The following LTBP2 variants were observed in gnomAD, a reference collection of about 807,000 sequenced individuals.
The protein encoded by LTBP2 is latent-transforming growth factor beta-binding protein 2.
A neutral mutation model predicts 210.6 loss-of-function variants in LTBP2; 103 were observed. The ratio of observed to expected loss-of-function variants is 0.49; its 90% CI spans 0.42 to 0.58. LTBP2 has a LOEUF of 0.58. Ranked by LOEUF, LTBP2 falls within the 20% of genes least tolerant of loss-of-function variation. LTBP2 has a pLI of 0.00. For synonymous variants in LTBP2, 1,007 were observed against 1,015.0 expected (o/e 0.99, Z 0.15); for missense variants, 2,313 against 2,494.5 (o/e 0.93, Z 1.55).
chr14:74,555,604 C>G lies in LTBP2; in HGVS notation c.920G>C (p.Ser307Thr). 1 of 1,610,684 alleles carries G rather than the reference C, an allele frequency of 6.2e-7. No individual in the cohort carries two copies. The highest frequency in any genetic ancestry group is 8.5e-7 in the Non-Finnish European group (1 of 1,177,824). Residue 307 changes from serine to threonine, a missense_variant, in exon 4 of 36, where the codon AGT (serine) becomes ACT (threonine). By Grantham distance (58) the Ser-to-Thr change is moderately conservative. Coordinates refer to ENST00000261978, the MANE Select transcript of LTBP2 (RefSeq NM_000428.3). The stretch of plus-strand genomic sequence containing the variant: ...CAGGGCGTTGGAAGAGAGCTGGCTA[C>G]TGGCCGTGGCAGTCGGGTGAAGTCG... ...TVRLHPTATASSQLSSNALPP... is the reference protein window; with the variant it reads ...TVRLHPTATATSQLSSNALPP...
In LTBP2 at chr14:74,581,589, A is replaced by G. The variant is rs571037080; in HGVS notation, c.830+4265T>C. Among the ~76,000 whole-genome samples, 340 of 152,272 alleles carry G rather than the reference A, an allele frequency of 2.2e-3. 2 individuals carry two copies. The highest frequency in any genetic ancestry group is 2.4e-3 in the Non-Finnish European group (160 of 68,012). ...ATATGGCCCTCAAGTGACAGCTAGC[A>G]AGGAAATGGGGCCTCCGTCTTACAA... On this transcript the variant is annotated intron_variant, in intron 3 of 35. Coordinates refer to ENST00000261978, the MANE Select transcript of LTBP2 (RefSeq NM_000428.3).
At chr14:74,596,176 G>T (rs1490320949) in intron 2 of LTBP2, among the ~76,000 whole-genome samples, 4 of 151,954 alleles carry the variant, frequency 2.6e-5, no homozygotes, top group African/African-American at 9.7e-5. Flanking sequence ...AGTGAGCCGA[G>T]ATTGCGCCAC....
At chr14:74,602,120 C>T (rs1447026866) in intron 2 of LTBP2, among the ~76,000 whole-genome samples, 1 of 152,150 alleles carries the variant, frequency 6.6e-6, no homozygotes, top group African/African-American at 2.4e-5. Context: ...TCGCTGGTGT[C>T]GGGAGTGAAC....
chr14:74,585,616 G>T (rs938209865), intron 3 of LTBP2, among the ~76,000 whole-genome samples: 14 of 152,140 alleles, frequency 9.2e-5, no homozygotes, highest in African/African-American at 3.4e-4. Flanking sequence ...CGAGGGCAAA[G>T]ACTTCGCTTC....
chr14:74,566,377 C>T (rs1362453418), intron 3 of LTBP2, among the ~76,000 whole-genome samples: 2 of 152,326 alleles, frequency 1.3e-5, no homozygotes, highest in African/African-American at 2.4e-5. Flanking sequence ...GAGAGGAAGG[C>T]GTTCCCAGAA....
At chr14:74,518,767 C>G (rs2087165920) in intron 17 of LTBP2, among the ~76,000 whole-genome samples, 1 of 152,234 alleles carries the variant, frequency 6.6e-6, no homozygotes, top group Non-Finnish European at 1.5e-5. Flanking sequence ...CCTAGGCCCA[C>G]AGCCAGAGAT....
At chr14:74,544,157 G>A (rs1164942097) in intron 8 of LTBP2, among the ~76,000 whole-genome samples, 1 of 152,192 alleles carries the variant, frequency 6.6e-6, no homozygotes, top group Non-Finnish European at 1.5e-5. Context: ...CTGACAACTG[G>A]AATTCTGAAA....
chr14:74,511,357 G>C lies in LTBP2; in HGVS notation c.2916C>G (p.Asn972Lys). 2 of 1,614,062 alleles carry C rather than the reference G, an allele frequency of 1.2e-6. No homozygotes were observed. The highest frequency in any genetic ancestry group is 2.2e-5 in the South Asian group (2 of 91,078). The part of the protein sequence containing the change: ...MVRKGHCQDI[N>K]ECRHPGTCPD... Reference sequence around the variant, plus strand: ...GGCAGGTACCGGGGTGACGGCATTCGTTGATATCTGCAAAACAGCAGCCCC... The same window carrying C: ...GGCAGGTACCGGGGTGACGGCATTCCTTGATATCTGCAAAACAGCAGCCCC... Residue 972 changes from asparagine to lysine, a missense_variant, in exon 19 of 36, where the codon AAC becomes AAG. Transcript: ENST00000261978.
chr14:74,566,043 C>T (rs557297152), intron 3 of LTBP2, among the ~76,000 whole-genome samples: 3 of 151,646 alleles, frequency 2.0e-5, no homozygotes, highest in Non-Finnish European at 4.4e-5. Context: ...GCGCTTTTCA[C>T]GGACACGTGC....
chr14:74,509,798 G>A lies in LTBP2; in HGVS notation c.3213C>T (p.Gly1071=). The A allele has an allele frequency of 6.8e-6, 11 of 1,614,144 alleles. No homozygotes were observed. The highest frequency in any genetic ancestry group is 8.5e-6 in the Non-Finnish European group (10 of 1,180,048). The change falls in exon 21 of 36, where the codon GGC becomes GGT. Residue 1071 remains glycine, a synonymous_variant. Transcript: ENST00000261978. ...TCTCACAGGCAGAGCAGGCGAAGGAGCCCTCCGTGTTGAGGCAGAGGCCTG... is the reference window on the plus strand; with the variant it reads ...TCTCACAGGCAGAGCAGGCGAAGGAACCCTCCGTGTTGAGGCAGAGGCCTG... ...CPTGLCLNTE[G]SFACSACENG...
chr14:74,610,237 T>G (rs1382279436), intron 1 of LTBP2, among the ~76,000 whole-genome samples: 1 of 152,142 alleles, frequency 6.6e-6, no homozygotes, highest in Non-Finnish European at 1.5e-5. Flanking sequence ...GAATAAGTAC[T>G]ATGAAGAAAC....
intron 7 of LTBP2, 79 bp downstream of exon 7, chr14:74,550,985 A>C: frequency 1.3e-6 from 2 of 1,529,620 alleles, no homozygotes; most frequent in Non-Finnish European, 1.8e-6. Flanking sequence ...CAAAGAGGAC[A>C]GAGAGGAGGA....
At chr14:74,509,593 G>A (rs1168182375) in intron 21 of LTBP2, 141 bp downstream of exon 21, 1 of 1,293,820 alleles carries the variant, frequency 7.7e-7, no homozygotes, top group African/African-American at 1.5e-5. Context: ...CTCTTGTTGG[G>A]GCCAGGTCCA....
At chr14:74,580,934 C>T (rs2088128002) in intron 3 of LTBP2, among the ~76,000 whole-genome samples, 1 of 152,230 alleles carries the variant, frequency 6.6e-6, no homozygotes, top group South Asian at 2.1e-4. Context: ...GCCTGGGTGA[C>T]AGAGTGAGAC....
In LTBP2 at chr14:74,503,087, C is replaced by CCAAA. The variant is rs1422580835; in HGVS notation, c.4888+128_4888+131dup. On this transcript the variant is annotated intron_variant, in intron 33 of 35. Transcript: ENST00000261978. ...ACCTCTCCCCTGCCCTACTTTGTCCCCAAACAGCAGGGATGGAAGACAGGG... is the reference window on the plus strand; with the variant it reads ...ACCTCTCCCCTGCCCTACTTTGTCCCCAAACAAACAGCAGGGATGGAAGACAGGG... 11 of 1,503,052 alleles carry CCAAA rather than the reference C, an allele frequency of 7.3e-6. No individual in the cohort carries two copies. In the African/African-American group the frequency reaches 1.5e-4, roughly 21 times the overall value. 93.1% of individuals were successfully genotyped at this position (1,503,052 alleles called of 1,614,324 possible).
Position 74,509,232 on chromosome 14 carries a change from T to C in LTBP2, c.3403+6A>G. 2 of 1,613,532 alleles carry C rather than the reference T, an allele frequency of 1.2e-6. No individual in the cohort carries two copies. The highest frequency in any genetic ancestry group is 1.7e-6 in the Non-Finnish European group (2 of 1,179,972). On this transcript the variant is annotated splice_donor_region_variant and intron_variant, in intron 22 of 35. Coordinates refer to ENST00000261978, the MANE Select transcript of LTBP2 (RefSeq NM_000428.3). ...TTTGTATCCTCTCCCACACAGAGGC[T>C]CATACCTTCACAGGAGTCACCCAGG...
chr14:74,532,001 C>G, intron 10 of LTBP2, among the ~76,000 whole-genome samples: 1 of 152,220 alleles, frequency 6.6e-6, no homozygotes, highest in East Asian at 1.9e-4. Flanking sequence ...GGTCGGGCAG[C>G]AGCTCCATGA....
intron 3 of LTBP2, among the ~76,000 whole-genome samples, chr14:74,581,525 G>A (rs1319680777): frequency 6.6e-6 from 1 of 152,156 alleles, no homozygotes; most frequent in Non-Finnish European, 1.5e-5. Flanking sequence ...TGAAGATGGA[G>A]GAAGGTGGCC....
intron 21 of LTBP2, 53 bp from the exon 22 acceptor site, chr14:74,509,416 G>A (rs1352214238): frequency 6.2e-7 from 1 of 1,611,012 alleles, no homozygotes; most frequent in Non-Finnish European, 8.5e-7. Flanking sequence ...CACTCCCCAG[G>A]CAATGCAGGA....
Sources: gnomAD v4.1 joint callset for allele counts (sites outside exome capture counted in the v4.1 genomes callset) on GRCh38, gnomAD v4.1.1 for gene constraint, MANE v1.5 for transcripts, NCBI Gene and HGNC (gene_info 2026-07-23, HGNC 2026-07-21) for gene names.